The following EYA2 variants were observed in gnomAD, a reference collection of about 807,000 sequenced individuals.
The protein encoded by EYA2 is EYA transcriptional coactivator and phosphatase 2.
In EYA2, 31 loss-of-function variants were observed where a neutral mutation model predicts 69.2. That is an observed-to-expected ratio of 0.45 (90% CI 0.34 to 0.60). The LOEUF (loss-of-function observed/expected upper bound fraction) is 0.60, where lower values mean the gene tolerates loss of function less well. EYA2 is among the 20% of genes least tolerant of loss of function. EYA2 has a pLI of 0.02. For missense variants in EYA2, 622 were observed against 701.2 expected (o/e 0.89, Z 1.28); for synonymous variants, 257 against 279.4 (o/e 0.92, Z 0.80).
At chr20:46,914,758 A>G (rs1984818073) in intron 1 of EYA2, among the ~76,000 whole-genome samples, 1 of 152,238 alleles carries the variant, frequency 6.6e-6, no homozygotes, top group African/African-American at 2.4e-5. Context: ...GCCAAACCGT[A>G]TCAGGGAGTA....
At chr20:46,900,026 A>G (rs1430805836) in intron 1 of EYA2, among the ~76,000 whole-genome samples, 4 of 152,238 alleles carry the variant, frequency 2.6e-5, no homozygotes, top group African/African-American at 9.6e-5. Context: ...ATTTGGTATC[A>G]ATAGTGTTGT....
At chr20:47,029,676 C>T (rs2146394881) in intron 5 of EYA2, among the ~76,000 whole-genome samples, 1 of 152,292 alleles carries the variant, frequency 6.6e-6, no homozygotes, top group East Asian at 1.9e-4. Context: ...TACATTTTGC[C>T]CATATCACCC....
At chr20:47,105,662 T>C (rs2032557073) in intron 9 of EYA2, among the ~76,000 whole-genome samples, 2 of 149,454 alleles carry the variant, frequency 1.3e-5, no homozygotes, top group African/African-American at 4.9e-5. Context: ...AAATGTTTCC[T>C]CATCAAACCA....
chr20:46,947,859 A>G (rs1978555975), intron 1 of EYA2, among the ~76,000 whole-genome samples: 1 of 152,192 alleles, frequency 6.6e-6, no homozygotes, highest in African/African-American at 2.4e-5. Flanking sequence ...TCTCCTGCCT[A>G]TAATCCCAGC....
At chr20:47,072,361 G>A (rs1040251611) in intron 6 of EYA2, 109 bp downstream of exon 6, 38 of 1,067,834 alleles carry the variant, frequency 3.6e-5, no homozygotes, top group Non-Finnish European at 5.3e-5. Flanking sequence ...TTGGGAACCT[G>A]CCTCTTAGTC....
In EYA2 at chr20:47,179,894, T is replaced by A. The variant is rs1390224857; in HGVS notation, c.1295T>A (p.Leu432Gln). ...TGGCTGACCCACTCCCTGAAGGCAC[T>A]AAACCTCATCAACTCCCGGCAAGTG... Reference protein sequence around the residue: ...DLWLTHSLKALNLINSRPNCV... With the variant: ...DLWLTHSLKAQNLINSRPNCV... Residue 432 changes from leucine to glutamine, a missense_variant, in exon 13 of 16, where the codon CTA (leucine) becomes CAA (glutamine). This residue lies in a region of EYA2 where 257 missense variants were observed against 351.5 expected (regional missense o/e 0.73). Coordinates refer to ENST00000327619, the MANE Select transcript of EYA2 (RefSeq NM_005244.5). 1 of 1,613,942 alleles carries A rather than the reference T, an allele frequency of 6.2e-7. No individual in the cohort carries two copies.
intron 1 of EYA2, among the ~76,000 whole-genome samples, chr20:46,921,328 T>C (rs1000825059): frequency 6.6e-6 from 1 of 152,268 alleles, no homozygotes; most frequent in Non-Finnish European, 1.5e-5. Flanking sequence ...CATAGTATAT[T>C]ACAGTTTACA....
intron 2 of EYA2, among the ~76,000 whole-genome samples, chr20:46,996,560 G>A (rs141024210): frequency 1.2e-4 from 18 of 152,242 alleles, no homozygotes; most frequent in South Asian, 4.1e-4. Flanking sequence ...TTTGCACCTC[G>A]TTATAATTGC....
At chr20:47,134,048 G>T (rs1171418681) in intron 9 of EYA2, among the ~76,000 whole-genome samples, 2 of 152,274 alleles carry the variant, frequency 1.3e-5, no homozygotes, top group Non-Finnish European at 2.9e-5. Context: ...TAAGGAATGT[G>T]CAGGGTTTGA....
At chr20:47,167,556 T>C (rs2034227227) in intron 10 of EYA2, among the ~76,000 whole-genome samples, 1 of 152,128 alleles carries the variant, frequency 6.6e-6, no homozygotes, top group South Asian at 2.1e-4. Context: ...AATGCTGAGA[T>C]TACAGGTGTA....
chr20:47,111,667 C>A (rs984964931), intron 9 of EYA2, among the ~76,000 whole-genome samples: 1 of 152,182 alleles, frequency 6.6e-6, no homozygotes, highest in Non-Finnish European at 1.5e-5. Context: ...GGCTTAGAAA[C>A]GAGCCCAGAT....
Position 47,049,214 on chromosome 20 carries a change from C to T in EYA2, c.416-22971C>T, listed in dbSNP as rs567621583. Among the ~76,000 whole-genome samples, 7 of 152,324 alleles carry T rather than the reference C, an allele frequency of 4.6e-5. No homozygotes were observed. In the South Asian group the frequency reaches 1.5e-3, roughly 32 times the overall value. On this transcript the variant is annotated intron_variant, in intron 5 of 15. Coordinates refer to ENST00000327619, the MANE Select transcript of EYA2 (RefSeq NM_005244.5). The stretch of plus-strand genomic sequence containing the variant: ...GTACAGAGTTCCCTGAAGCCCTTCT[C>T]CCGCTTTCCCTAATGTGAACCTCTT...
At chr20:47,072,574 C>T (rs1401111232) in intron 6 of EYA2, among the ~76,000 whole-genome samples, 2 of 152,172 alleles carry the variant, frequency 1.3e-5, no homozygotes, top group East Asian at 1.9e-4. Context: ...GTTCTTTCAC[C>T]AGACCATGGG....
intron 4 of EYA2, among the ~76,000 whole-genome samples, chr20:47,007,119 A>C (rs892529663): frequency 6.6e-6 from 1 of 151,950 alleles, no homozygotes; most frequent in African/African-American, 2.4e-5. Context: ...TTTTGTAGAG[A>C]TGAGGTTTTG....
In EYA2 at chr20:47,117,467, C is replaced by T. The variant is rs2032931278; in HGVS notation, c.888+20299C>T. The T allele has an allele frequency of 3.0e-6, 3 of 985,178 alleles. No homozygotes were observed. The South Asian group carries it at 1.4e-4, about 46-fold the overall frequency. The allele number at this position is 985,178 out of a possible 1,614,324, so 61.0% of individuals were successfully genotyped here. A position where few individuals can be genotyped will look rare whatever the true frequency, so the allele number is the denominator to read the frequency against. On this transcript the variant is annotated intron_variant, in intron 9 of 15. Transcript: ENST00000327619. ...GATCTCCACAGCTCCTCGACCGGCT[C>T]CTCTGCCCTCTCCGTTCCACCACAG... is the stretch of plus-strand genomic sequence containing the variant.
chr20:47,179,402 T>C, intron 12 of EYA2, among the ~76,000 whole-genome samples: 1 of 147,528 alleles, frequency 6.8e-6, no homozygotes, highest in Non-Finnish European at 1.5e-5. Flanking sequence ...GATGGGTGGA[T>C]GGATGGATAT....
At chr20:46,906,840 T>A (rs1420574732) in intron 1 of EYA2, among the ~76,000 whole-genome samples, 4 of 152,160 alleles carry the variant, frequency 2.6e-5, no homozygotes, top group African/African-American at 9.7e-5. Context: ...TCTTTGACCC[T>A]CACTTACTTG....
chr20:47,184,478 C>T (rs6018327), intron 15 of EYA2, among the ~76,000 whole-genome samples: 82,881 of 147,396 alleles, frequency 0.56, 25,188 homozygotes, highest in African/African-American at 0.81. Context: ...AGTGCAGTGG[C>T]ACAATCTCAG....
At chr20:46,949,500 GCTC>G (rs1978672297) in intron 1 of EYA2, among the ~76,000 whole-genome samples, 1 of 150,698 alleles carries the variant, frequency 6.6e-6, no homozygotes, top group Admixed American at 6.6e-5. Flanking sequence ...CAGGGTCAGA[GCTC>G]AGTTCAGGTA....
Sources: gnomAD v4.1 joint callset for allele counts (sites outside exome capture counted in the v4.1 genomes callset) on GRCh38, gnomAD v4.1.1 for gene constraint, gnomAD v4.1.1 regional missense constraint, MANE v1.5 for transcripts, NCBI Gene and HGNC (gene_info 2026-07-23, HGNC 2026-07-21) for gene names.